The following SELENOT variants were observed in gnomAD, a reference collection of about 807,000 sequenced individuals.
The protein encoded by SELENOT is selenoprotein T, also known as thioredoxin reductase-like selenoprotein T.
A neutral mutation model predicts 24.3 loss-of-function variants in SELENOT; 9 were observed. That is an observed-to-expected ratio of 0.37 (90% CI 0.22 to 0.65). The LOEUF is 0.65. SELENOT is among the 30% of genes least tolerant of loss of function. The probability of loss-of-function intolerance (pLI) is 0.60; values close to 1 mark genes in which losing one functional copy is unlikely to be tolerated. For synonymous variants in SELENOT, 81 were observed against 86.0 expected (o/e 0.94, Z 0.32); for missense variants, 166 against 247.6 (o/e 0.67, Z 2.21).
chr3:150,607,033 T>A (rs533144981), intron 1 of SELENOT, among the ~76,000 whole-genome samples: 1 of 152,380 alleles, frequency 6.6e-6, no homozygotes, highest in Admixed American at 6.5e-5. Flanking sequence ...ATTTAATTAG[T>A]TGCAGTTTAA....
intron 4 of SELENOT, among the ~76,000 whole-genome samples, chr3:150,625,910 C>G (rs1392607219): frequency 4.7e-5 from 7 of 150,456 alleles, no homozygotes; most frequent in Non-Finnish European, 1.0e-4. Flanking sequence ...CGCTGTGTCG[C>G]CCAGGCTGGA....
chr3:150,603,901 C>T (rs1220880209), intron 1 of SELENOT, among the ~76,000 whole-genome samples: 2 of 152,238 alleles, frequency 1.3e-5, no homozygotes, highest in Non-Finnish European at 2.9e-5. Flanking sequence ...TGTCAGTTCA[C>T]TTTTTCTGCC....
Position 150,627,707 on chromosome 3 carries a change from T to C in SELENOT, c.*78T>C, listed in dbSNP as rs759856614. On this transcript the variant is annotated 3_prime_UTR_variant, in exon 6 of 6. Transcript: ENST00000471696. ...CAGCGTGACTGACATTATGAAGGCC[T>C]GTACTGAAGACAGCAAGCTGTTAGT... 1 of 152,760 alleles carries C rather than the reference T, an allele frequency of 6.5e-6. No individual in the cohort carries two copies. Among genetic ancestry groups the C allele is most frequent in the Non-Finnish European group, 1.5e-5 (1 of 68,106 alleles). The allele number at this position is 152,760 out of a possible 1,614,324, so 9.5% of individuals were successfully genotyped here.
intron 1 of SELENOT, chr3:150,612,006 C>T: frequency 1.9e-6 from 1 of 520,632 alleles, no homozygotes; most frequent in Non-Finnish European, 3.3e-6. Context: ...CTGCTGCTGG[C>T]GCCGAAACAG....
intron 1 of SELENOT, 104 bp downstream of exon 1, chr3:150,603,603 G>A: frequency 7.5e-7 from 1 of 1,329,434 alleles, no homozygotes; most frequent in Non-Finnish European, 1.0e-6. Context: ...CATCTTCGCT[G>A]GCCTCGTAGA....
At position 150,627,875 on chromosome 3, in the gene SELENOT, A is replaced by T. The variant is rs1215746737; in HGVS notation, c.*246A>T. On this transcript the variant is annotated 3_prime_UTR_variant, in exon 6 of 6. Transcript: ENST00000471696. ...TGTATAGCTTTCCCCACCTCCCACA[A>T]AATCACCCAGTTAATGTGTGTGTGT... is the stretch of plus-strand genomic sequence containing the variant. The T allele has an allele frequency of 6.6e-6, 1 of 152,188 alleles. No individual in the cohort carries two copies. The highest frequency in any genetic ancestry group is 1.5e-5 in the Non-Finnish European group (1 of 68,012). 9.4% of individuals were successfully genotyped at this position (152,188 alleles called of 1,614,324 possible). A position where few individuals can be genotyped will look rare whatever the true frequency, so the allele number is the denominator to read the frequency against.
chr3:150,612,405 T>A (rs1406916409), intron 1 of SELENOT, among the ~76,000 whole-genome samples: 5 of 152,036 alleles, frequency 3.3e-5, no homozygotes, highest in Non-Finnish European at 5.9e-5. Context: ...ATATATATAT[T>A]TTTAATGTTG....
At position 150,622,514 on chromosome 3, in the gene SELENOT, T is replaced by C. The variant is rs1172726512; in HGVS notation, c.248+19T>C. The C allele has an allele frequency of 1.6e-6, 2 of 1,233,644 alleles. No individual in the cohort carries two copies. Among genetic ancestry groups the C allele is most frequent in the Non-Finnish European group, 2.2e-6 (2 of 899,222 alleles). The allele number at this position is 1,233,644 out of a possible 1,614,324, so 76.4% of individuals were successfully genotyped here. A position where few individuals can be genotyped will look rare whatever the true frequency, so the allele number is the denominator to read the frequency against. ...TATATAGGTAAGAAATTTTAATAAC[T>C]TAAAAGGAAAACAATGTATTTGACT... On this transcript the variant is annotated intron_variant, in intron 2 of 5. Coordinates refer to ENST00000471696, the MANE Select transcript of SELENOT (RefSeq NM_016275.5).
chr3:150,618,644 C>T (rs1031197279), intron 1 of SELENOT: 1 of 154,168 alleles, frequency 6.5e-6, no homozygotes, highest in African/African-American at 2.4e-5. Flanking sequence ...ACCTCAGCCT[C>T]CCCAGTAGCT....
chr3:150,612,302 A>G (rs750524305), intron 1 of SELENOT, among the ~76,000 whole-genome samples: 6 of 152,130 alleles, frequency 3.9e-5, no homozygotes, highest in Non-Finnish European at 8.8e-5. Context: ...CATGTTTATC[A>G]GGCTGGTCTC....
At chr3:150,614,083 C>T (rs1319976758) in intron 1 of SELENOT, among the ~76,000 whole-genome samples, 1 of 151,682 alleles carries the variant, frequency 6.6e-6, no homozygotes, top group Non-Finnish European at 1.5e-5. Context: ...GTAGTGGCAC[C>T]ACAGTGCCAG....
chr3:150,615,720 A>C (rs1175357442), intron 1 of SELENOT, among the ~76,000 whole-genome samples: 1 of 152,242 alleles, frequency 6.6e-6, no homozygotes, highest in African/African-American at 2.4e-5. Context: ...AAATGGAAGA[A>C]CATTCCATGC....
intron 1 of SELENOT, among the ~76,000 whole-genome samples, chr3:150,610,290 G>T (rs970843724): frequency 1.3e-5 from 2 of 152,154 alleles, no homozygotes; most frequent in Non-Finnish European, 2.9e-5. Context: ...TTTGACAAAG[G>T]TGTTCATTTG....
chr3:150,615,371 G>C (rs1386087371), intron 1 of SELENOT, among the ~76,000 whole-genome samples: 2 of 151,360 alleles, frequency 1.3e-5, no homozygotes, highest in African/African-American at 2.4e-5. Flanking sequence ...AGTCCTTTGG[G>C]TATATACCCA....
intron 1 of SELENOT, among the ~76,000 whole-genome samples, chr3:150,620,100 CA>C (rs1726307582): frequency 6.6e-6 from 1 of 152,140 alleles, no homozygotes; most frequent in Admixed American, 6.5e-5. Context: ...CCTGATGAAC[CA>C]AGTAGATTTA....
In SELENOT at chr3:150,603,405, G is replaced by A. The variant is rs1364625275; in HGVS notation, c.43G>A (p.Val15Ile). ...TCTCCTAGTGGCGGCGTCTGCGATGGTCCGGAGCGAGGCCTCGGCCAATCT... is the reference window on the plus strand; with the variant it reads ...TCTCCTAGTGGCGGCGTCTGCGATGATCCGGAGCGAGGCCTCGGCCAATCT... ...LLLLVAASAMVRSEASANLGG... is the reference protein window; with the variant it reads ...LLLLVAASAMIRSEASANLGG... Residue 15 changes from valine to isoleucine, a missense_variant, in exon 1 of 6, where the codon GTC (valine) becomes ATC (isoleucine). By Grantham distance (29) the Val-to-Ile change is conservative. Coordinates refer to ENST00000471696, the MANE Select transcript of SELENOT (RefSeq NM_016275.5). 1 of 1,613,258 alleles carries A rather than the reference G, an allele frequency of 6.2e-7. No homozygotes were observed.
At chr3:150,605,439 A>C (rs375613353) in intron 1 of SELENOT, among the ~76,000 whole-genome samples, 6 of 152,200 alleles carry the variant, frequency 3.9e-5, no homozygotes, top group African/African-American at 1.2e-4. Context: ...CAGTCCTTCA[A>C]ATTAAACTTA....
Position 150,626,908 on chromosome 3 carries a change from T to C in SELENOT, c.464-102T>C, listed in dbSNP as rs146729612. The C allele has an allele frequency of 1.7e-4, 207 of 1,221,922 alleles. No homozygotes were observed. In the African/African-American group the frequency reaches 2.7e-3, roughly 16 times the overall value. 75.7% of individuals were successfully genotyped at this position (1,221,922 alleles called of 1,614,324 possible). On this transcript the variant is annotated intron_variant, in intron 4 of 5. Transcript: ENST00000471696. ...AGCAGTGTACTTTTTTGCCTACTTT[T>C]GTATCCCAGTTGTGTACATAGATGA...
At chr3:150,613,313 T>C (rs1303745802) in intron 1 of SELENOT, among the ~76,000 whole-genome samples, 2 of 152,214 alleles carry the variant, frequency 1.3e-5, no homozygotes, top group East Asian at 3.8e-4. Flanking sequence ...CCCAACAGTG[T>C]TGCATTAGGA....
Sources: gnomAD v4.1 joint callset for allele counts (sites outside exome capture counted in the v4.1 genomes callset) on GRCh38, gnomAD v4.1.1 for gene constraint, MANE v1.5 for transcripts, NCBI Gene and HGNC (gene_info 2026-07-23, HGNC 2026-07-21) for gene names.